Variants in NRXN3 observed in about 807,000 individuals in gnomAD.
NRXN3 encodes neurexin III.
NRXN3 carries 32 observed loss-of-function variants against 137.6 expected under a neutral mutation model. The observed-to-expected ratio is 0.23, with a 90% CI of 0.18 to 0.31. NRXN3 has a LOEUF of 0.31. Ranked by LOEUF, NRXN3 falls within the 10% of genes least tolerant of loss-of-function variation. The pLI is 1.00. For synonymous variants in NRXN3, 798 were observed against 784.5 expected, an observed-to-expected ratio of 1.02 and a Z score of -0.29; for missense variants, 1,574 against 2,062.5, an observed-to-expected ratio of 0.76 and a Z score of 4.59.
intron 4 of NRXN3, among the ~76,000 whole-genome samples, chr14:78,444,031 G>A (rs888779301): frequency 6.6e-6 from 1 of 152,194 alleles, no homozygotes; most frequent in South Asian, 2.1e-4. Flanking sequence ...TTTGCAAAGG[G>A]GAAGCCAAGG....
At chr14:79,234,551 A>C (rs1263184910) in intron 15 of NRXN3, among the ~76,000 whole-genome samples, 1 of 150,058 alleles carries the variant, frequency 6.7e-6, no homozygotes, top group Admixed American at 6.7e-5. Context: ...CGCCTGGCTA[A>C]GTTTTGTATT....
At chr14:78,832,701 C>G (rs2098985827) in intron 10 of NRXN3, among the ~76,000 whole-genome samples, 1 of 152,090 alleles carries the variant, frequency 6.6e-6, no homozygotes, top group Non-Finnish European at 1.5e-5. Flanking sequence ...TGCTAACTGT[C>G]AAAAACAAAT....
At chr14:79,227,369 G>A (rs2071128054) in intron 15 of NRXN3, among the ~76,000 whole-genome samples, 1 of 151,322 alleles carries the variant, frequency 6.6e-6, no homozygotes, top group African/African-American at 2.4e-5. Flanking sequence ...TTTGTCATGT[G>A]TACACTTTCC....
intron 5 of NRXN3, among the ~76,000 whole-genome samples, chr14:78,646,638 G>C (rs566943777): frequency 5.8e-4 from 89 of 152,252 alleles, no homozygotes; most frequent in Non-Finnish European, 1.2e-3. Context: ...TCCACACTTA[G>C]GTATGTCAAG....
chr14:78,650,075 T>C (rs2097725616), intron 5 of NRXN3, among the ~76,000 whole-genome samples: 1 of 152,142 alleles, frequency 6.6e-6, no homozygotes, highest in Non-Finnish European at 1.5e-5. Context: ...GGGGGTTGGG[T>C]TTGGACTTTT....
At chr14:78,803,120 C>A (rs187963608) in intron 8 of NRXN3, among the ~76,000 whole-genome samples, 1 of 152,240 alleles carries the variant, frequency 6.6e-6, no homozygotes, top group East Asian at 1.9e-4. Flanking sequence ...TGTTATGATG[C>A]CAGACCATGC....
At chr14:79,645,760 G>C (rs1338195205) in intron 16 of NRXN3, among the ~76,000 whole-genome samples, 1 of 135,632 alleles carries the variant, frequency 7.4e-6, no homozygotes, top group Non-Finnish European at 1.7e-5. Context: ...AGAAAGTTTG[G>C]TGACAATACT....
intron 4 of NRXN3, among the ~76,000 whole-genome samples, chr14:78,447,161 C>A (rs2094440883): frequency 6.6e-6 from 1 of 152,216 alleles, no homozygotes; most frequent in Non-Finnish European, 1.5e-5. Context: ...CTCAGGCAAA[C>A]CACCTAACCT....
intron 15 of NRXN3, among the ~76,000 whole-genome samples, chr14:79,035,161 T>C (rs1481533311): frequency 6.6e-6 from 1 of 152,144 alleles, no homozygotes; most frequent in Non-Finnish European, 1.5e-5. Flanking sequence ...GGAAGCTAAT[T>C]TGTTAAGTCC....
Position 78,452,951 on chromosome 14 carries a change from G to A in NRXN3, c.757+155091G>A, listed in dbSNP as rs568771872. 8.7e-4 allele frequency among the ~76,000 whole-genome samples: 132 copies of A among 152,332 alleles called. 1 individual carries two copies. Among genetic ancestry groups the A allele is most frequent in the South Asian group, 7.7e-3 (37 of 4,824 alleles). ...AAAATATGTTAATTAACCATTGATG[G>A]AGTTGGGATAGAATGCGAAAGTTAC... On this transcript the variant is annotated intron_variant, in intron 4 of 20. Coordinates refer to ENST00000335750, the MANE Select transcript of NRXN3 (RefSeq NM_001330195.2).
intron 15 of NRXN3, among the ~76,000 whole-genome samples, chr14:79,063,128 T>C (rs2099676289): frequency 6.6e-6 from 1 of 152,206 alleles, no homozygotes; most frequent in Non-Finnish European, 1.5e-5. Flanking sequence ...GAATAGATTT[T>C]GGTTTGAATG....
chr14:79,760,908 C>T (rs1285992786), intron 19 of NRXN3: 1 of 151,620 alleles, frequency 6.6e-6, no homozygotes, highest in African/African-American at 2.4e-5. Context: ...GCCTGCCCCC[C>T]TGCCCATGGT....
At chr14:78,381,878 T>C (rs2153631634) in intron 4 of NRXN3, among the ~76,000 whole-genome samples, 1 of 152,280 alleles carries the variant, frequency 6.6e-6, no homozygotes, top group South Asian at 2.1e-4. Context: ...TTTCTTTAAA[T>C]GACAAAAATA....
At chr14:78,616,162 C>G (rs997342976) in intron 4 of NRXN3, among the ~76,000 whole-genome samples, 1 of 152,154 alleles carries the variant, frequency 6.6e-6, no homozygotes, top group Non-Finnish European at 1.5e-5. Flanking sequence ...AAATCATACC[C>G]TGTCTCTCTA....
intron 8 of NRXN3, among the ~76,000 whole-genome samples, chr14:78,753,177 A>G (rs2098651258): frequency 6.6e-6 from 1 of 152,216 alleles, no homozygotes; most frequent in Non-Finnish European, 1.5e-5. Flanking sequence ...TCAACTGAAT[A>G]TGAAAACATG....
intron 10 of NRXN3, among the ~76,000 whole-genome samples, chr14:78,845,041 T>C (rs2099022690): frequency 6.6e-6 from 1 of 151,814 alleles, no homozygotes; most frequent in South Asian, 2.1e-4. Flanking sequence ...AAACCAGTGA[T>C]GTCTGTGATG....
chr14:79,217,455 T>A (rs1005622014), intron 15 of NRXN3, among the ~76,000 whole-genome samples: 1 of 151,974 alleles, frequency 6.6e-6, no homozygotes, highest in African/African-American at 2.4e-5. Flanking sequence ...CCAGGCCCCA[T>A]CTCCAACATA....
At chr14:79,749,511 C>A (rs757310254) in intron 19 of NRXN3, among the ~76,000 whole-genome samples, 1 of 151,768 alleles carries the variant, frequency 6.6e-6, no homozygotes, top group Non-Finnish European at 1.5e-5. Context: ...AAGTGATCCT[C>A]CAGCCTTGGC....
intron 15 of NRXN3, among the ~76,000 whole-genome samples, chr14:79,271,535 C>T (rs989851743): frequency 2.2e-5 from 3 of 134,932 alleles, no homozygotes; most frequent in African/African-American, 5.5e-5. Context: ...TCTTCCCCTT[C>T]CCTTTCCCTG....
Sources: gnomAD v4.1 joint callset for allele counts (sites outside exome capture counted in the v4.1 genomes callset) on GRCh38, gnomAD v4.1.1 for gene constraint, MANE v1.5 for transcripts, NCBI Gene and HGNC (gene_info 2026-07-23, HGNC 2026-07-21) for gene names.